FSTL5: variants seen among roughly 807,000 people sequenced by gnomAD.
FSTL5 encodes the protein follistatin like 5.
FSTL5 carries 62 observed loss-of-function variants against 89.1 expected under a neutral mutation model. That is an observed-to-expected ratio of 0.70 (90% confidence interval 0.57 to 0.86). The LOEUF is 0.86. FSTL5 is among the 40% of genes least tolerant of loss of function. FSTL5 has a pLI of 0.00. For synonymous variants in FSTL5, 383 were observed against 346.2 expected (o/e 1.11, Z -1.18); for missense variants, 1,057 against 1,001.6 (o/e 1.06, Z -0.75).
At chr4:162,042,802 T>C (rs545405438) in intron 2 of FSTL5, among the ~76,000 whole-genome samples, 1 of 151,830 alleles carries the variant, frequency 6.6e-6, no homozygotes, top group African/African-American at 2.4e-5. Context: ...TGTAAGGACA[T>C]GGATGAAACT....
intron 6 of FSTL5, among the ~76,000 whole-genome samples, chr4:161,702,659 A>G (rs770538929): frequency 6.6e-6 from 1 of 152,094 alleles, no homozygotes; most frequent in South Asian, 2.1e-4. Context: ...ATAAGTGTCT[A>G]CCTTCTATTG....
chr4:161,620,198 G>T (rs1444545214), intron 7 of FSTL5, among the ~76,000 whole-genome samples: 1 of 113,478 alleles, frequency 8.8e-6, no homozygotes, highest in Non-Finnish European at 1.7e-5. Context: ...GTGGGGTGGG[G>T]GGAGGGGGGA....
chr4:161,940,769 T>C (rs1018224782), intron 3 of FSTL5, among the ~76,000 whole-genome samples: 1 of 151,692 alleles, frequency 6.6e-6, no homozygotes, highest in African/African-American at 2.4e-5. Flanking sequence ...AAAGGGAAAT[T>C]TTGTGACAGA....
intron 3 of FSTL5, among the ~76,000 whole-genome samples, chr4:161,977,856 C>A (rs1361259608): frequency 6.6e-6 from 1 of 151,700 alleles, no homozygotes; most frequent in Non-Finnish European, 1.5e-5. Context: ...GTGAAATATT[C>A]TATATTAATC....
intron 15 of FSTL5, among the ~76,000 whole-genome samples, chr4:161,443,840 G>C (rs1248344122): frequency 6.6e-6 from 1 of 151,886 alleles, no homozygotes; most frequent in African/African-American, 2.4e-5. Flanking sequence ...AAGTATAGGG[G>C]CTACTCAGGT....
chr4:161,930,963 T>C, intron 3 of FSTL5, among the ~76,000 whole-genome samples: 1 of 151,852 alleles, frequency 6.6e-6, no homozygotes, highest in East Asian at 1.9e-4. Flanking sequence ...CTCAAAAGTA[T>C]TATACCACTA....
chr4:161,940,484 C>A (rs922759070), intron 3 of FSTL5, among the ~76,000 whole-genome samples: 1 of 151,346 alleles, frequency 6.6e-6, no homozygotes, highest in Non-Finnish European at 1.5e-5. Flanking sequence ...TATAAAGAAA[C>A]TTTTTACAAA....
chr4:161,442,517 C>G lies in FSTL5; in HGVS notation c.1841+12487G>C, dbSNP rs114495263. On this transcript the variant is annotated intron_variant, in intron 15 of 15. Coordinates refer to ENST00000306100, the MANE Select transcript of FSTL5 (RefSeq NM_020116.5). ...TGGCAATTCTCTGTGTCCACAACAC[C>G]TAAGGCCATGGCGAAGTTTTCAGTA... is the stretch of plus-strand genomic sequence containing the variant. Among the ~76,000 whole-genome samples, 313 of 152,142 alleles carry G rather than the reference C, an allele frequency of 2.1e-3. 2 individuals are homozygous for G. Among genetic ancestry groups the G allele is most frequent in the African/African-American group, 6.6e-3 (273 of 41,550 alleles).
intron 7 of FSTL5, among the ~76,000 whole-genome samples, chr4:161,616,064 GT>G (rs139705148): frequency 0.19 from 27,637 of 147,702 alleles, 2,622 homozygotes; most frequent in Middle Eastern, 0.32. Context: ...TTTTCTGAGT[GT>G]TTTTTTTTTC....
At chr4:161,785,582 G>A (rs1282474646) in intron 4 of FSTL5, among the ~76,000 whole-genome samples, 3 of 152,076 alleles carry the variant, frequency 2.0e-5, no homozygotes, top group African/African-American at 4.8e-5. Flanking sequence ...TTTGATAAAC[G>A]ACAGTCATAG....
chr4:161,566,099 A>AATATATATATATATAT (rs1560956518), intron 8 of FSTL5, among the ~76,000 whole-genome samples: 1 of 24,652 alleles, frequency 4.1e-5, no homozygotes, highest in African/African-American at 1.3e-4. Flanking sequence ...TTTTTTTTGG[A>AATATATATATATATAT]CTATATATAT....
chr4:161,751,256 G>A (rs1203989746), intron 6 of FSTL5, among the ~76,000 whole-genome samples: 3 of 152,098 alleles, frequency 2.0e-5, no homozygotes, highest in Admixed American at 1.3e-4. Flanking sequence ...AATTGGTATT[G>A]CTTCTCTTTC....
rs1481475126 is a variant in FSTL5, at chr4:162,072,047, A to C, written c.127-38389T>G. ...GATGTGTCATTGACATATAACGTCA[A>C]TATCTACAGTAAGTGATCAGTGAAA... is the stretch of plus-strand genomic sequence containing the variant. On this transcript the variant is annotated intron_variant, in intron 2 of 15. Transcript: ENST00000306100. Among the ~76,000 whole-genome samples the C allele has an allele frequency of 3.3e-5, 5 of 151,798 alleles. No homozygotes were observed. In the East Asian group the frequency reaches 9.7e-4, roughly 29 times the overall value.
At chr4:161,558,792 C>G (rs1732484058) in intron 8 of FSTL5, among the ~76,000 whole-genome samples, 1 of 151,858 alleles carries the variant, frequency 6.6e-6, no homozygotes, top group Admixed American at 6.6e-5. Flanking sequence ...TTTATCTAGC[C>G]CAATTAGTAA....
intron 10 of FSTL5, among the ~76,000 whole-genome samples, chr4:161,522,431 A>G (rs16999327): frequency 1.4e-3 from 218 of 152,232 alleles, no homozygotes; most frequent in African/African-American, 5.1e-3. Context: ...CAAGACTTTG[A>G]GAATAGGATA....
intron 7 of FSTL5, among the ~76,000 whole-genome samples, chr4:161,647,994 A>T (rs2126675062): frequency 6.6e-6 from 1 of 152,152 alleles, no homozygotes; most frequent in East Asian, 1.9e-4. Context: ...GGCTGGGGCA[A>T]TTGGAGGAGA....
chr4:161,720,096 T>A (rs1040475764), intron 6 of FSTL5, among the ~76,000 whole-genome samples: 1 of 150,414 alleles, frequency 6.6e-6, no homozygotes, highest in African/African-American at 2.4e-5. Flanking sequence ...AGGGAAAGAA[T>A]CAACAATAGA....
At chr4:161,506,372 C>T (rs1013269143) in intron 11 of FSTL5, among the ~76,000 whole-genome samples, 13 of 151,956 alleles carry the variant, frequency 8.6e-5, no homozygotes. Context: ...CACATCCTGA[C>T]CTTTTTCATT....
chr4:161,784,407 A>T (rs952459213), intron 4 of FSTL5, among the ~76,000 whole-genome samples: 6 of 151,758 alleles, frequency 4.0e-5, no homozygotes, highest in Admixed American at 2.0e-4. Flanking sequence ...ACCTTTTTTT[A>T]AAAAAATAAC....
Sources: allele counts gnomAD v4.1 joint callset (sites outside exome capture counted in the v4.1 genomes callset), GRCh38; gene constraint gnomAD v4.1.1; transcripts MANE v1.5; gene names NCBI Gene and HGNC (gene_info 2026-07-23, HGNC 2026-07-21).